CELF6: variants seen among roughly 807,000 people sequenced by gnomAD.
CELF6 encodes CUGBP Elav-like family member 6, also known as Bruno -like 6, RNA binding protein.
CELF6 carries 32 observed loss-of-function variants against 53.1 expected under a neutral mutation model. The ratio of observed to expected loss-of-function variants is 0.60; its 90% CI spans 0.46 to 0.81. CELF6 has a LOEUF of 0.81. CELF6 is among the 30% of genes least tolerant of loss of function. The probability of loss-of-function intolerance (pLI) is 0.00; values close to 1 mark genes in which losing one functional copy is unlikely to be tolerated. For missense variants in CELF6, 539 were observed against 669.5 expected (o/e 0.81, Z 2.15); for synonymous variants, 291 against 288.8 (o/e 1.01, Z -0.08).
intron 3 of CELF6, among the ~76,000 whole-genome samples, chr15:72,296,930 T>C (rs747009507): frequency 6.6e-6 from 1 of 152,224 alleles, no homozygotes; most frequent in Non-Finnish European, 1.5e-5. Flanking sequence ...CCATATGATC[T>C]AGCAATACCT....
At position 72,287,391 on chromosome 15, in the gene CELF6, C is replaced by A; in HGVS notation, c.1320G>T (p.Gly440=). The part of the protein sequence containing the change: ...DRATNQSKCF[G]FVSFDNPTSA... ...TAGTTGGATTGTCAAAACTAACAAA[C>A]CCTGGAGGGTGTGGGCAAAGAGATT... The change falls in exon 12 of 13, where the codon GGG becomes GGT. Residue 440 remains glycine (G), a splice_region_variant and synonymous_variant. Coordinates refer to ENST00000287202, the MANE Select transcript of CELF6 (RefSeq NM_052840.5). The A allele has an allele frequency of 6.2e-7, 1 of 1,613,988 alleles. No homozygotes were observed. Among genetic ancestry groups the A allele is most frequent in the Non-Finnish European group, 8.5e-7 (1 of 1,179,892 alleles).
chr15:72,308,742 A>G (rs1407534071), intron 2 of CELF6, among the ~76,000 whole-genome samples: 2 of 151,646 alleles, frequency 1.3e-5, no homozygotes, highest in Admixed American at 1.3e-4. Flanking sequence ...GTCTCACTCT[A>G]TCACCCAGGT....
chr15:72,291,505 A>G (rs187236788), intron 3 of CELF6, among the ~76,000 whole-genome samples: 69 of 152,288 alleles, frequency 4.5e-4, no homozygotes, highest in Admixed American at 4.5e-3. Flanking sequence ...CTACTCCTTG[A>G]CCAGCTTGGC....
intron 3 of CELF6, among the ~76,000 whole-genome samples, chr15:72,294,870 C>A (rs1454518099): frequency 6.6e-6 from 1 of 150,608 alleles, no homozygotes; most frequent in East Asian, 2.0e-4. Context: ...CCCAGCTACT[C>A]GCAAGGCTGA....
intron 1 of CELF6, among the ~76,000 whole-genome samples, chr15:72,316,131 A>T (rs2088361168): frequency 6.6e-6 from 1 of 151,816 alleles, no homozygotes; most frequent in Non-Finnish European, 1.5e-5. Context: ...GCTCCCTTTC[A>T]TTTGCTCCTG....
In CELF6 at chr15:72,288,799, C is replaced by T. The variant is rs1386802002; in HGVS notation, c.1093+69G>A. On this transcript the variant is annotated intron_variant, in intron 9 of 12. Transcript: ENST00000287202. This position sits in a 1 kb window ranked among gnomAD's most constrained non-coding sequence, Gnocchi z 4.6. ...ACTCCTTGGAACAGAGCCTAAATCC[C>T]CCACAACTCTCCCTATTTCTTTCTA... is the stretch of plus-strand genomic sequence containing the variant. The T allele has an allele frequency of 2.7e-5, 39 of 1,453,332 alleles. No homozygotes were observed. Among genetic ancestry groups the T allele is most frequent in the Admixed American group, 9.8e-5 (5 of 50,862 alleles). 90.0% of individuals were successfully genotyped at this position (1,453,332 alleles called of 1,614,324 possible).
In CELF6 at chr15:72,295,725, C is replaced by CA. The variant is rs35288698; in HGVS notation, c.395-5471dup. 3.7e-3 allele frequency among the ~76,000 whole-genome samples: 403 copies of CA among 109,024 alleles called. 3 individuals are homozygous for CA. Among genetic ancestry groups the CA allele is most frequent in the African/African-American group, 0.011 (335 of 30,174 alleles). The allele number at this position is 109,024 out of a possible 152,430, so 71.5% of individuals were successfully genotyped here. On this transcript the variant is annotated intron_variant, in intron 3 of 12. Transcript: ENST00000287202. ...TGGGTGATAGTGCAAGACTCTGTCT[C>CA]AAAAAAAAAAAAAAAAAAATTAAGA...
At position 72,319,818 on chromosome 15, in the gene CELF6, A is replaced by G. The variant is rs781554656; in HGVS notation, c.57T>C (p.Gly19=). ...AQPAGPGPRL[G]FSTADSGVGM... ...CGACGCCGCTGTCCGCGGTGCTGAA[A>G]CCCAGGCGCGGGCCGGGGCCAGCGG... The change falls in exon 1 of 13, where the codon GGT becomes GGC. Residue 19 remains glycine (G), a synonymous_variant. Transcript: ENST00000287202. This position sits in a 1 kb window ranked among gnomAD's most constrained non-coding sequence, Gnocchi z 5.0. The G allele has an allele frequency of 1.7e-5, 26 of 1,550,292 alleles. No individual in the cohort carries two copies. Among genetic ancestry groups the G allele is most frequent in the African/African-American group, 4.1e-5 (3 of 72,702 alleles).
chr15:72,286,943 G>A (rs1251610439), intron 12 of CELF6, among the ~76,000 whole-genome samples: 2 of 152,060 alleles, frequency 1.3e-5, no homozygotes, highest in Admixed American at 6.5e-5. Flanking sequence ...GACCCTCCCC[G>A]CATACAGGTT....
chr15:72,309,816 T>C (rs1309290202), intron 2 of CELF6, among the ~76,000 whole-genome samples: 3 of 152,212 alleles, frequency 2.0e-5, no homozygotes, highest in Non-Finnish European at 4.4e-5. Context: ...AAACTTGTCC[T>C]GGGACTTCAG....
intron 2 of CELF6, among the ~76,000 whole-genome samples, chr15:72,306,755 G>A (rs915638328): frequency 4.6e-5 from 7 of 151,678 alleles, no homozygotes; most frequent in African/African-American, 7.3e-5. Flanking sequence ...AGATCAGGGC[G>A]AGCTTGACAG....
intron 12 of CELF6, 110 bp downstream of exon 12, chr15:72,287,127 C>T: frequency 2.0e-6 from 2 of 1,014,232 alleles, no homozygotes; most frequent in East Asian, 2.4e-5. Context: ...TCTCTCTATC[C>T]CAGACTTTCT....
chr15:72,305,567 C>T (rs2088214962), intron 2 of CELF6, among the ~76,000 whole-genome samples: 2 of 152,322 alleles, frequency 1.3e-5, no homozygotes, highest in South Asian at 2.1e-4. Context: ...AGAGTCTCCA[C>T]GCTCACCTGC....
chr15:72,295,358 T>C (rs1371662828), intron 3 of CELF6, among the ~76,000 whole-genome samples: 1 of 150,770 alleles, frequency 6.6e-6, no homozygotes, highest in Non-Finnish European at 1.5e-5. Flanking sequence ...AATAATAAGA[T>C]AAAATAAAAT....
chr15:72,304,537 T>C (rs1178659220), intron 3 of CELF6, among the ~76,000 whole-genome samples: 1 of 152,168 alleles, frequency 6.6e-6, no homozygotes, highest in Non-Finnish European at 1.5e-5. Context: ...CCTTCTTGCC[T>C]CTTCTGGGCC....
rs1298379495 is a variant in CELF6, at chr15:72,319,950, G to A, written c.-76C>T. Reference sequence around the variant, plus strand: ...GCCGTCCCCTCCCTGGACCGGTGGCGAGGGCCAGGGGGAGGGGGCGGAGCC... The same window carrying A: ...GCCGTCCCCTCCCTGGACCGGTGGCAAGGGCCAGGGGGAGGGGGCGGAGCC... On this transcript the variant is annotated 5_prime_UTR_variant, in exon 1 of 13. Transcript: ENST00000287202. The surrounding 1 kb of genome is among the most constrained non-coding windows in gnomAD (Gnocchi z 5.0). The A allele has an allele frequency of 5.1e-6, 7 of 1,375,368 alleles. No homozygotes were observed. Among genetic ancestry groups the A allele is most frequent in the Non-Finnish European group, 6.5e-6 (7 of 1,070,498 alleles). The allele number at this position is 1,375,368 out of a possible 1,614,324, so 85.2% of individuals were successfully genotyped here.
At chr15:72,314,274 A>G (rs2088334127) in intron 2 of CELF6, among the ~76,000 whole-genome samples, 1 of 152,104 alleles carries the variant, frequency 6.6e-6, no homozygotes, top group Admixed American at 6.6e-5. Flanking sequence ...ATCAGTGCCT[A>G]TTTCTTATTA....
At chr15:72,300,992 T>A (rs1217397980) in intron 3 of CELF6, among the ~76,000 whole-genome samples, 21 of 152,016 alleles carry the variant, frequency 1.4e-4, no homozygotes, top group Admixed American at 1.3e-3. Flanking sequence ...TAAAATGATT[T>A]TTTTTTTTTA....
chr15:72,315,965 A>C, intron 1 of CELF6, 38 bp from the exon 2 acceptor site: 1 of 1,383,820 alleles, frequency 7.2e-7, no homozygotes, highest in African/African-American at 1.4e-5. Flanking sequence ...GTTTCCTGAA[A>C]CCCCCAACTA....
Sources: gnomAD v4.1 joint callset for allele counts (sites outside exome capture counted in the v4.1 genomes callset) on GRCh38, gnomAD v4.1.1 for gene constraint, Gnocchi (gnomAD v3.1) non-coding constraint, MANE v1.5 for transcripts, NCBI Gene and HGNC (gene_info 2026-07-23, HGNC 2026-07-21) for gene names.